The following ARHGAP24 variants were observed in gnomAD, a reference collection of about 807,000 sequenced individuals.
ARHGAP24 encodes rho GTPase-activating protein 24.
Under a neutral mutation model 76.4 loss-of-function variants are expected in ARHGAP24, and 50 were observed. The observed-to-expected ratio is 0.65, with a 90% CI of 0.52 to 0.83. ARHGAP24 has a LOEUF of 0.83. Ranked by LOEUF, ARHGAP24 falls within the 40% of genes least tolerant of loss-of-function variation. ARHGAP24 has a pLI of 0.00. For missense variants in ARHGAP24, 930 were observed against 914.2 expected, an observed-to-expected ratio of 1.02 and a Z score of -0.22; for synonymous variants, 345 against 323.3, an observed-to-expected ratio of 1.07 and a Z score of -0.72.
intron 2 of ARHGAP24, among the ~76,000 whole-genome samples, chr4:85,657,352 T>C (rs1435208740): frequency 6.6e-6 from 1 of 152,222 alleles, no homozygotes; most frequent in East Asian, 1.9e-4. Flanking sequence ...TCTTCCCTTT[T>C]AGTTTCATAA....
At chr4:85,715,459 G>T (rs914265491) in intron 2 of ARHGAP24, among the ~76,000 whole-genome samples, 1 of 151,986 alleles carries the variant, frequency 6.6e-6, no homozygotes, top group Non-Finnish European at 1.5e-5. Context: ...AACTTCGCAT[G>T]TATTAGCTAA....
intron 4 of ARHGAP24, among the ~76,000 whole-genome samples, chr4:85,928,640 T>C (rs942746516): frequency 4.6e-5 from 7 of 152,000 alleles, no homozygotes; most frequent in African/African-American, 1.7e-4. Context: ...TTTTGTATTT[T>C]TAGTAGAGAT....
At chr4:85,911,448 TA>T (rs770374456) in intron 3 of ARHGAP24, among the ~76,000 whole-genome samples, 6 of 152,210 alleles carry the variant, frequency 3.9e-5, no homozygotes, top group Non-Finnish European at 8.8e-5. Flanking sequence ...CTAGACACTC[TA>T]GCTTGCCTTT....
chr4:85,664,842 C>T (rs199629923), intron 2 of ARHGAP24, among the ~76,000 whole-genome samples: 1 of 152,052 alleles, frequency 6.6e-6, no homozygotes, highest in African/African-American at 2.4e-5. Context: ...TTTCTTAATC[C>T]TGAGTTCTAG....
intron 3 of ARHGAP24, among the ~76,000 whole-genome samples, chr4:85,747,459 T>G (rs1726086549): frequency 6.6e-6 from 1 of 152,156 alleles, no homozygotes; most frequent in African/African-American, 2.4e-5. Context: ...ATCCCAGCAC[T>G]TTGGGAGGCC....
intron 1 of ARHGAP24, among the ~76,000 whole-genome samples, chr4:85,549,792 C>A (rs1726057462): frequency 6.6e-6 from 1 of 152,200 alleles, no homozygotes; most frequent in African/African-American, 2.4e-5. Flanking sequence ...CCTGGCATCT[C>A]TCGCTCCCTT....
At chr4:85,508,811 T>A (rs1473026138) in intron 1 of ARHGAP24, among the ~76,000 whole-genome samples, 1 of 152,116 alleles carries the variant, frequency 6.6e-6, no homozygotes, top group Non-Finnish European at 1.5e-5. Flanking sequence ...TCAGCCTGAT[T>A]TCTCCATATG....
At chr4:85,594,462 G>A (rs1728238872) in intron 2 of ARHGAP24, among the ~76,000 whole-genome samples, 1 of 151,950 alleles carries the variant, frequency 6.6e-6, no homozygotes. Context: ...TCTGATCGCT[G>A]TAACTAGGAC....
intron 3 of ARHGAP24, among the ~76,000 whole-genome samples, chr4:85,907,779 G>C (rs1346886652): frequency 5.3e-5 from 8 of 152,092 alleles, no homozygotes; most frequent in African/African-American, 1.9e-4. Context: ...AATTAGTTTG[G>C]TGCCTGCCAT....
At chr4:85,643,818 T>G (rs1721619983) in intron 2 of ARHGAP24, among the ~76,000 whole-genome samples, 1 of 152,190 alleles carries the variant, frequency 6.6e-6, no homozygotes. Flanking sequence ...GTGAGAACTC[T>G]CATTGTTATT....
intron 1 of ARHGAP24, among the ~76,000 whole-genome samples, chr4:85,568,564 C>CTGCGAAAGAAA (rs1726944146): frequency 2.6e-5 from 4 of 151,982 alleles, no homozygotes; most frequent in Admixed American, 2.0e-4. Context: ...CATAGTAGGT[C>CTGCGAAAGAAA]GGGTACTGCG....
chr4:85,676,412 A>G (rs967463504), intron 2 of ARHGAP24, among the ~76,000 whole-genome samples: 1 of 152,078 alleles, frequency 6.6e-6, no homozygotes, highest in Non-Finnish European at 1.5e-5. Context: ...GATTTTTTTC[A>G]TTATAATTTA....
In ARHGAP24 at chr4:85,887,056, A is replaced by C. The variant is rs556991961; in HGVS notation, c.269-36592A>C. On this transcript the variant is annotated intron_variant, in intron 3 of 9. Coordinates refer to ENST00000395184, the MANE Select transcript of ARHGAP24 (RefSeq NM_001025616.3). ...AAATAGTTACGATATGGCAAATGTAATTTTTGAAGTAACAAGAGCATACTC... is the reference window on the plus strand; with the variant it reads ...AAATAGTTACGATATGGCAAATGTACTTTTTGAAGTAACAAGAGCATACTC... 4.6e-5 allele frequency among the ~76,000 whole-genome samples: 7 copies of C among 152,220 alleles called. No homozygotes were observed. In the South Asian group the frequency reaches 1.2e-3, roughly 27 times the overall value.
chr4:85,979,165 G>A (rs748126834), intron 8 of ARHGAP24, among the ~76,000 whole-genome samples: 7 of 152,116 alleles, frequency 4.6e-5, no homozygotes, highest in Non-Finnish European at 7.4e-5. Context: ...TCTGCTTGGC[G>A]TGACCTTTGA....
At chr4:85,581,843 G>GTTTATACATATTATT (rs1273868110) in intron 2 of ARHGAP24, among the ~76,000 whole-genome samples, 22 of 151,984 alleles carry the variant, frequency 1.4e-4, no homozygotes, top group Non-Finnish European at 3.1e-4. Flanking sequence ...AATACATGTG[G>GTTTATACATATTATT]TGGTAAATAA....
At chr4:85,683,415 C>G (rs551890160) in intron 2 of ARHGAP24, among the ~76,000 whole-genome samples, 129 of 152,210 alleles carry the variant, frequency 8.5e-4, no homozygotes, top group African/African-American at 3.1e-3. Flanking sequence ...ATACATGGAT[C>G]TATAAAAAGA....
chr4:85,728,363 T>C (rs1417755783), intron 3 of ARHGAP24, among the ~76,000 whole-genome samples: 5 of 152,064 alleles, frequency 3.3e-5, no homozygotes, highest in Non-Finnish European at 7.4e-5. Flanking sequence ...AACCAAAGAC[T>C]TTATTATCTC....
chr4:85,923,822 C>G (rs763637804), intron 4 of ARHGAP24, 52 bp downstream of exon 4: 1 of 1,612,448 alleles, frequency 6.2e-7, no homozygotes, highest in South Asian at 1.1e-5. Flanking sequence ...CAAACCTGTT[C>G]ATCCCTTTCC....
In ARHGAP24 at chr4:85,995,286, T is replaced by G; in HGVS notation, c.1632T>G (p.Leu544=). The change falls in exon 9 of 10, where the codon CTT becomes CTG. Residue 544 remains leucine (L), a synonymous_variant. Coordinates refer to ENST00000395184, the MANE Select transcript of ARHGAP24 (RefSeq NM_001025616.3). ...NVHQQFSMMN[L]DDKQSIDSAT... ...ATCAACAGTTCTCCATGATGAACCT[T>G]GATGACAAGCAGAGCATTGACAGTG... 6.2e-7 allele frequency: 1 copy of G among 1,613,908 alleles called. No individual in the cohort carries two copies. Among genetic ancestry groups the G allele is most frequent in the Non-Finnish European group, 8.5e-7 (1 of 1,179,992 alleles).
Sources: allele counts gnomAD v4.1 joint callset (sites outside exome capture counted in the v4.1 genomes callset), GRCh38; gene constraint gnomAD v4.1.1; transcripts MANE v1.5; gene names NCBI Gene and HGNC (gene_info 2026-07-23, HGNC 2026-07-21).